Variants in PCDH7 observed in about 807,000 individuals in gnomAD.
PCDH7 encodes protocadherin 7, also known as protocadherin-7.
PCDH7 carries 17 observed loss-of-function variants against 58.9 expected under a neutral mutation model. The ratio of observed to expected loss-of-function variants is 0.29; its 90% CI spans 0.20 to 0.43. The LOEUF (loss-of-function observed/expected upper bound fraction) is 0.43. Ranked by LOEUF, PCDH7 falls within the 20% of genes least tolerant of loss-of-function variation. PCDH7 has a pLI of 1.00. For synonymous variants in PCDH7, 664 were observed against 616.4 expected, an observed-to-expected ratio of 1.08 and a Z score of -1.14; for missense variants, 1,274 against 1,441.0, an observed-to-expected ratio of 0.88 and a Z score of 1.88.
intron 3 of PCDH7, among the ~76,000 whole-genome samples, chr4:31,033,579 A>G (rs1755137064): frequency 6.6e-6 from 1 of 152,142 alleles, no homozygotes. Flanking sequence ...AACTCACTTC[A>G]CGATATAAAA....
intron 3 of PCDH7, among the ~76,000 whole-genome samples, chr4:31,047,221 C>T (rs563160999): frequency 3.3e-5 from 5 of 152,046 alleles, no homozygotes; most frequent in Admixed American, 1.3e-4. Context: ...AGATTAAATT[C>T]ATGAATAACT....
At chr4:30,751,213 A>G (rs889399594) in intron 1 of PCDH7, among the ~76,000 whole-genome samples, 4 of 152,206 alleles carry the variant, frequency 2.6e-5, no homozygotes, top group Admixed American at 6.5e-5. Context: ...AGCTTTTTGG[A>G]ATTTTGTCTT....
intron 3 of PCDH7, among the ~76,000 whole-genome samples, chr4:31,072,579 G>A (rs1020441947): frequency 6.6e-6 from 1 of 152,104 alleles, no homozygotes; most frequent in African/African-American, 2.4e-5. Flanking sequence ...GTAAGATCAT[G>A]TAGAGTTGCT....
Position 30,840,148 on chromosome 4 carries a change from ATT to A in PCDH7, c.71-79996_71-79995del, listed in dbSNP as rs113047338. Among the ~76,000 whole-genome samples the A allele has an allele frequency of 3.2e-3, 478 of 148,682 alleles. 2 individuals carry two copies. The highest frequency in any genetic ancestry group is 0.011 in the African/African-American group (460 of 40,678). ...TATTGGTATGCATTTCTTTTCAGTT[ATT>A]TTTTTTTTAATCTAATGTCCTTATC... On this transcript the variant is annotated intron_variant, in intron 1 of 3. Transcript: ENST00000509759.
chr4:30,956,759 C>T (rs1254072983), intron 3 of PCDH7, among the ~76,000 whole-genome samples: 1 of 152,086 alleles, frequency 6.6e-6, no homozygotes, highest in African/African-American at 2.4e-5. Flanking sequence ...TTCTGAATCT[C>T]AATTCAGAGT....
chr4:30,721,347 G>A lies in PCDH7; in HGVS notation c.-76G>A, dbSNP rs1390064614. 46 of 1,367,382 alleles carry A rather than the reference G, an allele frequency of 3.4e-5. No individual in the cohort carries two copies. The highest frequency in any genetic ancestry group is 3.3e-5 in the Non-Finnish European group (34 of 1,040,374). 84.7% of individuals were successfully genotyped at this position (1,367,382 alleles called of 1,614,324 possible). On this transcript the variant is annotated 5_prime_UTR_variant, in exon 1 of 2. Transcript: ENST00000361762. The surrounding 1 kb of genome is among the most constrained non-coding windows in gnomAD (Gnocchi z 6.7). ...AGGGGAGAGGACTCGGGGGAGGGCA[G>A]GCGGCCGGCCCCGGAGGAGGGGGGC...
At chr4:30,812,179 G>A (rs1020710005) in intron 1 of PCDH7, among the ~76,000 whole-genome samples, 1 of 152,126 alleles carries the variant, frequency 6.6e-6, no homozygotes, top group Non-Finnish European at 1.5e-5. Context: ...CTGTTTAAAA[G>A]TTTACCATTG....
At chr4:30,807,936 T>C (rs1021810288) in intron 1 of PCDH7, among the ~76,000 whole-genome samples, 1 of 152,146 alleles carries the variant, frequency 6.6e-6, no homozygotes, top group African/African-American at 2.4e-5. Flanking sequence ...TCGTTTTTCA[T>C]GAAGGAGCAA....
chr4:30,914,351 A>G (rs1028607134), intron 1 of PCDH7, among the ~76,000 whole-genome samples: 3 of 152,194 alleles, frequency 2.0e-5, no homozygotes, highest in East Asian at 3.9e-4. Context: ...TAGTACCTAT[A>G]GGAGGGTATG....
chr4:30,934,669 C>T (rs1249802228), intron 2 of PCDH7, among the ~76,000 whole-genome samples: 2 of 151,986 alleles, frequency 1.3e-5, no homozygotes, highest in African/African-American at 2.4e-5. Context: ...GTTTCTCTAC[C>T]AAAAGTCATT....
intron 3 of PCDH7, among the ~76,000 whole-genome samples, chr4:31,098,625 C>T (rs913493195): frequency 2.0e-5 from 3 of 152,124 alleles, no homozygotes; most frequent in African/African-American, 7.2e-5. Flanking sequence ...AGTTTTGTAA[C>T]TGTCAGATTG....
At chr4:30,929,645 G>T (rs911874069) in intron 2 of PCDH7, among the ~76,000 whole-genome samples, 1 of 152,002 alleles carries the variant, frequency 6.6e-6, no homozygotes, top group Admixed American at 6.5e-5. Flanking sequence ...CAGACAATAG[G>T]ATAGTATCCA....
chr4:30,786,861 T>G (rs1165647110), intron 1 of PCDH7: 21 of 553,726 alleles, frequency 3.8e-5, no homozygotes. Flanking sequence ...GGATTTGTCT[T>G]GTGTAAAAAG....
chr4:30,937,901 G>A (rs1745549954), intron 2 of PCDH7, among the ~76,000 whole-genome samples: 1 of 151,360 alleles, frequency 6.6e-6, no homozygotes, highest in South Asian at 2.1e-4. Flanking sequence ...TGTTTCCACC[G>A]AGAAGATGGC....
chr4:30,896,636 A>G (rs1297663915), intron 1 of PCDH7, among the ~76,000 whole-genome samples: 2 of 152,128 alleles, frequency 1.3e-5, no homozygotes, highest in Non-Finnish European at 2.9e-5. Flanking sequence ...GACTAATTGT[A>G]TGGAAAATTT....
chr4:30,745,210 C>T (rs1459845892), intron 1 of PCDH7, among the ~76,000 whole-genome samples: 1 of 151,626 alleles, frequency 6.6e-6, no homozygotes, highest in Non-Finnish European at 1.5e-5. Flanking sequence ...ATTATATTTT[C>T]CTAAAAACAG....
At chr4:31,123,173 AC>A (rs1717894504) in intron 3 of PCDH7, among the ~76,000 whole-genome samples, 1 of 152,168 alleles carries the variant, frequency 6.6e-6, no homozygotes, top group African/African-American at 2.4e-5. Context: ...TAACAAAAAA[AC>A]ATGAATCTCT....
intron 3 of PCDH7, among the ~76,000 whole-genome samples, chr4:31,068,627 A>G (rs1416112062): frequency 6.6e-6 from 1 of 151,968 alleles, no homozygotes; most frequent in Non-Finnish European, 1.5e-5. Flanking sequence ...CACACCTCAA[A>G]TGAAGCAGTG....
At chr4:31,093,326 T>A (rs918143877) in intron 3 of PCDH7, among the ~76,000 whole-genome samples, 1 of 152,182 alleles carries the variant, frequency 6.6e-6, no homozygotes, top group African/African-American at 2.4e-5. Context: ...CCTCTTGCTG[T>A]AAGCAGTAGT....
Sources: gnomAD v4.1 joint callset for allele counts (sites outside exome capture counted in the v4.1 genomes callset) on GRCh38, gnomAD v4.1.1 for gene constraint, Gnocchi (gnomAD v3.1) non-coding constraint, MANE v1.5 for transcripts, NCBI Gene and HGNC (gene_info 2026-07-23, HGNC 2026-07-21) for gene names.